The following EXOC4 variants were observed in gnomAD, a reference collection of about 807,000 sequenced individuals.
The protein encoded by EXOC4 is exocyst complex component 4, also known as SEC8-like 1.
Under a neutral mutation model 107.2 loss-of-function variants are expected in EXOC4, and 71 were observed. That is an observed-to-expected ratio of 0.66 (90% confidence interval 0.55 to 0.81). The LOEUF is 0.81. Ranked by LOEUF, EXOC4 falls within the 30% of genes least tolerant of loss-of-function variation. The pLI, the probability that EXOC4 is intolerant of heterozygous loss-of-function variation, is 0.00. For missense variants in EXOC4, 1,108 were observed against 1,189.6 expected, an observed-to-expected ratio of 0.93 and a Z score of 1.01; for synonymous variants, 456 against 441.2, an observed-to-expected ratio of 1.03 and a Z score of -0.42.
Position 133,464,951 on chromosome 7 carries a change from C to T in EXOC4, c.1183-10377C>T, listed in dbSNP as rs1376030991. Among the ~76,000 whole-genome samples the T allele has an allele frequency of 3.3e-5, 5 of 151,050 alleles. No individual in the cohort carries two copies. In the South Asian group the frequency reaches 8.4e-4, roughly 25 times the overall value. ...CTTCCTAGGTCAGCCTCCCAAGAGG[C>T]TGGGACTACAGGCACATGCATGCCT... On this transcript the variant is annotated intron_variant, in intron 7 of 17. Coordinates refer to ENST00000253861, the MANE Select transcript of EXOC4 (RefSeq NM_021807.4).
chr7:133,703,560 G>T (rs1295373135), intron 10 of EXOC4, among the ~76,000 whole-genome samples: 3 of 152,282 alleles, frequency 2.0e-5, no homozygotes, highest in Non-Finnish European at 1.5e-5. Context: ...TTGTGAAACC[G>T]ATCAGAAGAG....
intron 17 of EXOC4, among the ~76,000 whole-genome samples, chr7:134,010,504 G>C (rs1390693199): frequency 6.6e-6 from 1 of 151,830 alleles, no homozygotes; most frequent in African/African-American, 2.4e-5. Context: ...CCCGCTTCTT[G>C]TTTTTGGTAG....
chr7:133,356,671 T>C, intron 6 of EXOC4, 98 bp downstream of exon 6: 2 of 1,410,718 alleles, frequency 1.4e-6, no homozygotes, highest in Non-Finnish European at 1.9e-6. Flanking sequence ...TGTTGTTTTC[T>C]TGAACTTAGG....
At chr7:133,403,803 C>T (rs1431311709) in intron 7 of EXOC4, among the ~76,000 whole-genome samples, 1 of 152,056 alleles carries the variant, frequency 6.6e-6, no homozygotes, top group African/African-American at 2.4e-5. Context: ...TGATGGTGCA[C>T]ACCTGTAGTC....
chr7:133,828,570 CA>C (rs780836998), intron 11 of EXOC4, among the ~76,000 whole-genome samples: 17 of 152,114 alleles, frequency 1.1e-4, no homozygotes, highest in Non-Finnish European at 2.5e-4. Context: ...GTTTAATGGC[CA>C]TTTAAGATTA....
chr7:133,535,126 G>A (rs1036623442), intron 9 of EXOC4, among the ~76,000 whole-genome samples: 2 of 152,158 alleles, frequency 1.3e-5, no homozygotes, highest in African/African-American at 2.4e-5. Flanking sequence ...ATGCTTATCT[G>A]TTGAGAGCCC....
At chr7:133,263,307 A>G (rs995896198) in intron 1 of EXOC4, among the ~76,000 whole-genome samples, 4 of 151,850 alleles carry the variant, frequency 2.6e-5, no homozygotes, top group African/African-American at 7.2e-5. Context: ...CAAGAAGCCA[A>G]TTGTAATTGT....
intron 9 of EXOC4, among the ~76,000 whole-genome samples, chr7:133,577,619 CT>C (rs1230911174): frequency 1.3e-5 from 2 of 152,156 alleles, no homozygotes; most frequent in Non-Finnish European, 2.9e-5. Context: ...CTAATGTTGC[CT>C]CCTATCACAT....
At position 133,706,584 on chromosome 7, in the gene EXOC4, A is replaced by T. The variant is rs562083890; in HGVS notation, c.1514+76443A>T. ...AATAGATGAAATACATTTTAATAAT[A>T]CATTTTATTGCACCCAGTACATCCA... is the stretch of plus-strand genomic sequence containing the variant. On this transcript the variant is annotated intron_variant, in intron 10 of 17. Coordinates refer to ENST00000253861, the MANE Select transcript of EXOC4 (RefSeq NM_021807.4). Among the ~76,000 whole-genome samples, 5 of 152,358 alleles carry T rather than the reference A, an allele frequency of 3.3e-5. No homozygotes were observed. In the South Asian group the frequency reaches 1.0e-3, roughly 32 times the overall value.
rs376213441 is a variant in EXOC4 at position 133,857,173 on chromosome 7, T to C, written c.1735-38426T>C. On this transcript the variant is annotated intron_variant, in intron 11 of 17. Transcript: ENST00000253861. The stretch of plus-strand genomic sequence containing the variant: ...GTATATATATATATATATATATATA[T>C]ATATATATATATATATATATATATA... Among the ~76,000 whole-genome samples the C allele has an allele frequency of 2.0e-3, 35 of 17,666 alleles. 2 individuals are homozygous for C. Among genetic ancestry groups the C allele is most frequent in the South Asian group, 0.014 (6 of 414 alleles). 11.6% of individuals were successfully genotyped at this position (17,666 alleles called of 152,430 possible).
Position 133,615,366 on chromosome 7 carries a change from T to C in EXOC4, c.1418-14679T>C, listed in dbSNP as rs572522364. Among the ~76,000 whole-genome samples the C allele has an allele frequency of 4.4e-4, 67 of 152,244 alleles. 4 individuals carry two copies. In the South Asian group the frequency reaches 0.012, roughly 27 times the overall value. ...GTGAATAGTAAAATTGTCTCTTCCTTATGATTTCCTTATCTGTAGCTTTAT... is the reference window on the plus strand; with the variant it reads ...GTGAATAGTAAAATTGTCTCTTCCTCATGATTTCCTTATCTGTAGCTTTAT... On this transcript the variant is annotated intron_variant, in intron 9 of 17. Coordinates refer to ENST00000253861, the MANE Select transcript of EXOC4 (RefSeq NM_021807.4).
intron 6 of EXOC4, among the ~76,000 whole-genome samples, chr7:133,359,123 T>G (rs1163048614): frequency 1.3e-5 from 2 of 152,132 alleles, no homozygotes; most frequent in African/African-American, 4.8e-5. Flanking sequence ...AAGCAAGTAT[T>G]TAGAGTAAAC....
chr7:133,654,749 TTTC>T (rs1803246646), intron 10 of EXOC4, among the ~76,000 whole-genome samples: 1 of 152,170 alleles, frequency 6.6e-6, no homozygotes, highest in East Asian at 1.9e-4. Context: ...CATTAGGTGA[TTTC>T]ATCATTATGC....
intron 6 of EXOC4, among the ~76,000 whole-genome samples, chr7:133,370,440 A>T (rs1172974912): frequency 6.6e-6 from 1 of 152,106 alleles, no homozygotes; most frequent in Non-Finnish European, 1.5e-5. Context: ...AGATAGATAG[A>T]GACAAACAGT....
At chr7:133,971,964 C>G (rs939454682) in intron 14 of EXOC4, among the ~76,000 whole-genome samples, 7 of 151,996 alleles carry the variant, frequency 4.6e-5, no homozygotes, top group Admixed American at 4.6e-4. Flanking sequence ...ATCCAGGGGT[C>G]TCAAGGAAGC....
the EXOC4 span, among the ~76,000 whole-genome samples, chr7:134,077,447 G>A: frequency 1.3e-5 from 2 of 152,162 alleles, no homozygotes; most frequent in Non-Finnish European, 2.9e-5. Context: ...TGTCTTACCA[G>A]CTATCTGGGC....
At chr7:133,708,655 A>G (rs1193073664) in intron 10 of EXOC4, among the ~76,000 whole-genome samples, 1 of 152,188 alleles carries the variant, frequency 6.6e-6, no homozygotes, top group Non-Finnish European at 1.5e-5. Context: ...TGGCATTATC[A>G]TTATTTCCCA....
rs149648016 is a variant in EXOC4, at chr7:133,854,408, G to GCGCA, written c.1734+36865_1734+36866insGCAC. Among the ~76,000 whole-genome samples, 239 of 139,566 alleles carry GCGCA rather than the reference G, an allele frequency of 1.7e-3. 1 individual carries two copies. The highest frequency in any genetic ancestry group is 6.2e-3 in the African/African-American group (231 of 37,254). The allele number at this position is 139,566 out of a possible 152,430, so 91.6% of individuals were successfully genotyped here. A position where few individuals can be genotyped will look rare whatever the true frequency, so the allele number is the denominator to read the frequency against. Reference sequence around the variant, plus strand: ...TCAACTGGGCTCAGTTGTTGAAAGAGCACACACACACACACACACACACAC... The same window carrying GCGCA: ...TCAACTGGGCTCAGTTGTTGAAAGAGCGCACACACACACACACACACACACACAC... On this transcript the variant is annotated intron_variant, in intron 11 of 17. Coordinates refer to ENST00000253861, the MANE Select transcript of EXOC4 (RefSeq NM_021807.4).
intron 7 of EXOC4, among the ~76,000 whole-genome samples, chr7:133,466,569 G>T (rs1798733245): frequency 6.6e-6 from 1 of 152,084 alleles, no homozygotes; most frequent in South Asian, 2.1e-4. Context: ...AAATTTTCCT[G>T]CACATACATA....
Sources: gnomAD v4.1 joint callset for allele counts (sites outside exome capture counted in the v4.1 genomes callset) on GRCh38, gnomAD v4.1.1 for gene constraint, MANE v1.5 for transcripts, NCBI Gene and HGNC (gene_info 2026-07-23, HGNC 2026-07-21) for gene names.